Variants in USP24 observed in about 807,000 individuals in gnomAD.
USP24 encodes ubiquitin carboxyl-terminal hydrolase 24.
A neutral mutation model predicts 361.6 loss-of-function variants in USP24; 97 were observed. The ratio of observed to expected loss-of-function variants is 0.27; its 90% CI spans 0.23 to 0.32. The LOEUF (loss-of-function observed/expected upper bound fraction) is 0.32. Among genes scored for constraint, USP24 ranks in the 10% least tolerant of loss-of-function variants. The pLI is 1.00. For missense variants in USP24, 2,353 were observed against 3,165.6 expected (o/e 0.74, Z 6.16); for synonymous variants, 1,098 against 1,124.6 (o/e 0.98, Z 0.47).
At chr1:55,094,815 A>G (rs1369013746) in intron 51 of USP24, among the ~76,000 whole-genome samples, 1 of 151,996 alleles carries the variant, frequency 6.6e-6, no homozygotes, top group Non-Finnish European at 1.5e-5. Context: ...CCTGGGCAAC[A>G]TTGGGAGACC....
At position 55,123,540 on chromosome 1, in the gene USP24, G is replaced by T; in HGVS notation, c.4183C>A (p.Arg1395=). The part of the protein sequence containing the change: ...PVALHAGICV[R]QQSVSTKDSL... The stretch of plus-strand genomic sequence containing the variant: ...TCTTTGGTGGATACAGACTGTTGTC[G>T]AACACAGATTCCCGCATGCAGGGCT... Residue 1395 remains arginine, a synonymous_variant, in exon 36 of 68, where the codon CGA becomes AGA. Coordinates refer to ENST00000294383, the MANE Select transcript of USP24 (RefSeq NM_015306.3). 1 of 1,601,812 alleles carries T rather than the reference G, an allele frequency of 6.2e-7. No individual in the cohort carries two copies. The highest frequency in any genetic ancestry group is 1.7e-5 in the Admixed American group (1 of 58,304).
intron 62 of USP24, among the ~76,000 whole-genome samples, 183 bp from the exon 63 acceptor site, chr1:55,075,706 C>G (rs1645016348): frequency 6.6e-6 from 1 of 151,988 alleles, no homozygotes; most frequent in Admixed American, 6.6e-5. Flanking sequence ...GTGGCTCATG[C>G]CTGTTATCTC....
chr1:55,194,736 T>C (rs975516259), intron 1 of USP24, among the ~76,000 whole-genome samples: 5 of 152,290 alleles, frequency 3.3e-5, no homozygotes, highest in Middle Eastern at 3.4e-3. Flanking sequence ...AGATTTACCA[T>C]ATCCACAAAG....
Position 55,101,732 on chromosome 1 carries a change from A to T in USP24, c.5026-29T>A, listed in dbSNP as rs1645639053. 7 of 1,567,602 alleles carry T rather than the reference A, an allele frequency of 4.5e-6. No individual in the cohort carries two copies. The East Asian group carries it at 1.6e-4, about 36-fold the overall frequency. ...GAAAAGAGAGGAATAGAAACAGCAG[A>T]GGAGAAGAATGAGCATTTCTGCCAC... On this transcript the variant is annotated intron_variant, in intron 42 of 67. Transcript: ENST00000294383.
intron 46 of USP24, 138 bp from the exon 47 acceptor site, chr1:55,098,222 T>G (rs1645541451): frequency 1.8e-6 from 2 of 1,136,002 alleles, no homozygotes; most frequent in Admixed American, 3.1e-5. Context: ...CATTACTAAG[T>G]TAAAATGCCA....
chr1:55,125,276 T>G, intron 34 of USP24, 44 bp downstream of exon 34: 1 of 1,576,164 alleles, frequency 6.3e-7, no homozygotes, highest in South Asian at 1.1e-5. Context: ...CAGGACATTC[T>G]GAATAAGAGG....
chr1:55,098,434 A>C, intron 46 of USP24, 42 bp downstream of exon 46: 4 of 1,544,228 alleles, frequency 2.6e-6, no homozygotes, highest in Non-Finnish European at 3.6e-6. Flanking sequence ...ATCACTTCAA[A>C]AGGATGATCA....
chr1:55,172,201 T>C (rs1213145474), intron 4 of USP24, among the ~76,000 whole-genome samples, 176 bp downstream of exon 4: 2 of 152,162 alleles, frequency 1.3e-5, no homozygotes, highest in Non-Finnish European at 1.5e-5. Context: ...AAGCACTTCT[T>C]TCAAACTGAG....
At chr1:55,192,561 CAT>C (rs1304186023) in intron 1 of USP24, among the ~76,000 whole-genome samples, 4 of 152,222 alleles carry the variant, frequency 2.6e-5, no homozygotes, top group Non-Finnish European at 4.4e-5. Context: ...CAATTAGAAA[CAT>C]ATATGTGAAG....
At chr1:55,124,431 AC>A in intron 35 of USP24, 37 bp downstream of exon 35, 2 of 1,579,350 alleles carry the variant, frequency 1.3e-6, no homozygotes, top group Non-Finnish European at 1.7e-6. Flanking sequence ...GTTATTTCTT[AC>A]CCAGTGTTCT....
chr1:55,113,625 A>T (rs999078246), intron 38 of USP24, among the ~76,000 whole-genome samples: 2 of 152,222 alleles, frequency 1.3e-5, no homozygotes, highest in Admixed American at 1.3e-4. Flanking sequence ...CGATGCGAAA[A>T]TCCTCAACGA....
chr1:55,193,292 G>A lies in USP24; in HGVS notation c.325-15160C>T, dbSNP rs535653655. 4.6e-5 allele frequency among the ~76,000 whole-genome samples: 7 copies of A among 152,162 alleles called. No individual in the cohort carries two copies. In the East Asian group the frequency reaches 1.4e-3, roughly 29 times the overall value. On this transcript the variant is annotated intron_variant, in intron 1 of 67. Transcript: ENST00000294383. ...GGATTTGAGCATTTCGGTATCTGTG[G>A]GGAGGGCAGGTGGATACAGATTTTG...
chr1:55,129,339 A>G, intron 32 of USP24, 138 bp downstream of exon 32: 1 of 589,564 alleles, frequency 1.7e-6, no homozygotes, highest in East Asian at 2.9e-5. Context: ...GGACTGAAAC[A>G]TCATTCCTTC....
intron 18 of USP24, among the ~76,000 whole-genome samples, 171 bp from the exon 19 acceptor site, chr1:55,147,231 A>T (rs184206013): frequency 2.3e-4 from 35 of 152,324 alleles, no homozygotes; most frequent in Admixed American, 1.4e-3. Flanking sequence ...AGTACAATGT[A>T]ATAGAAGCTA....
chr1:55,181,017 G>A (rs1643950477), intron 1 of USP24, among the ~76,000 whole-genome samples: 1 of 151,048 alleles, frequency 6.6e-6, no homozygotes, highest in African/African-American at 2.4e-5. Context: ...AAGCAAACAG[G>A]ACCCCAAATT....
chr1:55,078,734 TACCC>T, intron 60 of USP24, 83 bp from the exon 61 acceptor site: 1 of 1,072,884 alleles, frequency 9.3e-7, no homozygotes, highest in Non-Finnish European at 1.3e-6. Flanking sequence ...AACTGAAATC[TACCC>T]AGATTTTAAG....
At chr1:55,177,136 A>G (rs980594027) in intron 2 of USP24, among the ~76,000 whole-genome samples, 1 of 151,906 alleles carries the variant, frequency 6.6e-6, no homozygotes, top group Non-Finnish European at 1.5e-5. Flanking sequence ...AAACCAAAAA[A>G]CCACACAAAT....
chr1:55,091,481 C>T (rs192257785), intron 54 of USP24, among the ~76,000 whole-genome samples: 1 of 152,182 alleles, frequency 6.6e-6, no homozygotes, highest in East Asian at 1.9e-4. Context: ...GGACATACTT[C>T]CCTGTTCAAA....
chr1:55,205,791 G>C (rs554161060), intron 1 of USP24, among the ~76,000 whole-genome samples: 1 of 151,938 alleles, frequency 6.6e-6, no homozygotes, highest in Non-Finnish European at 1.5e-5. Context: ...TCTAAAACAC[G>C]GAAAAATAGG....
Sources: gnomAD v4.1 joint callset for allele counts (sites outside exome capture counted in the v4.1 genomes callset) on GRCh38, gnomAD v4.1.1 for gene constraint, MANE v1.5 for transcripts, NCBI Gene and HGNC (gene_info 2026-07-23, HGNC 2026-07-21) for gene names.